Variants in GPC6 observed in about 807,000 individuals in gnomAD.
The protein encoded by GPC6 is glypican 6.
Under a neutral mutation model 55.2 loss-of-function variants are expected in GPC6, and 14 were observed. The ratio of observed to expected loss-of-function variants is 0.25; its 90% CI spans 0.17 to 0.40. GPC6 has a LOEUF of 0.40. GPC6 is among the 10% of genes least tolerant of loss of function. GPC6 has a pLI of 1.00. For synonymous variants in GPC6, 278 were observed against 259.6 expected, an observed-to-expected ratio of 1.07 and a Z score of -0.68; for missense variants, 641 against 708.5, an observed-to-expected ratio of 0.90 and a Z score of 1.08.
At chr13:93,331,562 G>A (rs182073587) in intron 1 of GPC6, among the ~76,000 whole-genome samples, 1 of 152,130 alleles carries the variant, frequency 6.6e-6, no homozygotes, top group East Asian at 1.9e-4. Flanking sequence ...TGCATATCTG[G>A]AGAATTGATA....
intron 2 of GPC6, among the ~76,000 whole-genome samples, chr13:93,813,453 G>T (rs1886758167): frequency 6.6e-6 from 1 of 152,048 alleles, no homozygotes; most frequent in East Asian, 1.9e-4. Context: ...TTTATAATAA[G>T]AATTTGCTTT....
chr13:94,005,437 C>T (rs1881977178), intron 3 of GPC6, among the ~76,000 whole-genome samples: 1 of 152,180 alleles, frequency 6.6e-6, no homozygotes, highest in Non-Finnish European at 1.5e-5. Flanking sequence ...AGGCTAAGTA[C>T]TTATTCAAGT....
At chr13:93,273,247 G>T (rs964519796) in intron 1 of GPC6, among the ~76,000 whole-genome samples, 1 of 152,116 alleles carries the variant, frequency 6.6e-6, no homozygotes, top group Non-Finnish European at 1.5e-5. Context: ...AAAAAGAATT[G>T]CACTTTAAGA....
intron 4 of GPC6, among the ~76,000 whole-genome samples, chr13:94,179,303 C>T (rs1238762302): frequency 6.6e-6 from 1 of 152,166 alleles, no homozygotes; most frequent in South Asian, 2.1e-4. Flanking sequence ...CCTCAGAAAT[C>T]TCTTATGTCT....
chr13:94,193,110 T>C (rs1186812187), intron 4 of GPC6, among the ~76,000 whole-genome samples: 2 of 151,952 alleles, frequency 1.3e-5, no homozygotes, highest in Non-Finnish European at 2.9e-5. Flanking sequence ...TTTCCACATA[T>C]ATCTATTTTA....
intron 1 of GPC6, among the ~76,000 whole-genome samples, chr13:93,445,728 C>T (rs1271573990): frequency 3.9e-5 from 6 of 152,162 alleles, no homozygotes; most frequent in African/African-American, 1.4e-4. Context: ...TAGTGCCTAG[C>T]ATATTGTCAA....
At chr13:93,262,644 A>ATGT (rs2139042332) in intron 1 of GPC6, among the ~76,000 whole-genome samples, 1 of 152,300 alleles carries the variant, frequency 6.6e-6, no homozygotes, top group South Asian at 2.1e-4. Flanking sequence ...TGTAAAGCAG[A>ATGT]TGTTTTTCTA....
intron 2 of GPC6, among the ~76,000 whole-genome samples, chr13:93,737,042 T>C (rs1884029381): frequency 6.6e-6 from 1 of 152,218 alleles, no homozygotes; most frequent in African/African-American, 2.4e-5. Context: ...AGGCATTCTG[T>C]GTCCACCTTA....
chr13:94,270,670 A>G (rs1779367987), intron 4 of GPC6, among the ~76,000 whole-genome samples: 1 of 152,236 alleles, frequency 6.6e-6, no homozygotes, highest in Non-Finnish European at 1.5e-5. Flanking sequence ...AATCTAATAA[A>G]AATGTAGTTA....
chr13:93,798,883 C>A (rs911730376), intron 2 of GPC6, among the ~76,000 whole-genome samples: 1 of 135,646 alleles, frequency 7.4e-6, no homozygotes, highest in African/African-American at 2.9e-5. Flanking sequence ...CGCACCACTG[C>A]ACTCCAGCCT....
chr13:93,695,474 C>T (rs945363920), intron 2 of GPC6, among the ~76,000 whole-genome samples: 9 of 151,752 alleles, frequency 5.9e-5, no homozygotes, highest in Admixed American at 2.6e-4. Context: ...TTTATTTCAA[C>T]GTGTACTTTC....
chr13:93,502,448 C>A (rs1301196377), intron 1 of GPC6, among the ~76,000 whole-genome samples: 1 of 152,026 alleles, frequency 6.6e-6, no homozygotes, highest in Non-Finnish European at 1.5e-5. Context: ...ACATCTATAC[C>A]CAACCTGTGG....
At chr13:94,204,654 G>A (rs184993969) in intron 4 of GPC6, among the ~76,000 whole-genome samples, 76 of 152,304 alleles carry the variant, frequency 5.0e-4, no homozygotes, top group Non-Finnish European at 8.2e-4. Context: ...AGCCTTGCAT[G>A]TGAAATTTGT....
At chr13:93,571,610 T>C (rs900196131) in intron 2 of GPC6, among the ~76,000 whole-genome samples, 3 of 152,180 alleles carry the variant, frequency 2.0e-5, no homozygotes, top group African/African-American at 7.2e-5. Context: ...CTATTTTGAT[T>C]TAATGATGTG....
At chr13:94,241,576 G>A (rs1891054922) in intron 4 of GPC6, among the ~76,000 whole-genome samples, 1 of 152,168 alleles carries the variant, frequency 6.6e-6, no homozygotes, top group Admixed American at 6.6e-5. Context: ...GTGACAGCAG[G>A]TTCTGCATTT....
At chr13:94,098,195 C>T (rs910253606) in intron 4 of GPC6, among the ~76,000 whole-genome samples, 1 of 152,120 alleles carries the variant, frequency 6.6e-6, no homozygotes, top group South Asian at 2.1e-4. Flanking sequence ...TCATAGGATT[C>T]TTGTTTCATA....
intron 3 of GPC6, among the ~76,000 whole-genome samples, chr13:93,850,001 A>G (rs1888338797): frequency 2.0e-5 from 3 of 152,102 alleles, no homozygotes; most frequent in African/African-American, 4.8e-5. Flanking sequence ...AATTAAAATA[A>G]TTTCCTCTGA....
intron 1 of GPC6, among the ~76,000 whole-genome samples, chr13:93,378,246 A>G (rs1875005002): frequency 6.6e-6 from 1 of 152,226 alleles, no homozygotes; most frequent in African/African-American, 2.4e-5. Context: ...CCTAATGGCT[A>G]GTTGATAAGC....
chr13:94,089,639 C>G (rs930965159), intron 4 of GPC6, among the ~76,000 whole-genome samples: 31 of 151,988 alleles, frequency 2.0e-4, no homozygotes, highest in African/African-American at 7.3e-4. Flanking sequence ...AAAATGCACA[C>G]AAATGTGAGA....
Sources: allele counts gnomAD v4.1 joint callset (sites outside exome capture counted in the v4.1 genomes callset), GRCh38; gene constraint gnomAD v4.1.1; transcripts MANE v1.5; gene names NCBI Gene and HGNC (gene_info 2026-07-23, HGNC 2026-07-21).